CEPT1: variants seen among roughly 807,000 people sequenced by gnomAD.
The protein encoded by CEPT1 is choline/ethanolamine phosphotransferase 1.
CEPT1 carries 7 observed loss-of-function variants against 42.6 expected under a neutral mutation model. That is an observed-to-expected ratio of 0.16 (90% confidence interval 0.09 to 0.31). The LOEUF (loss-of-function observed/expected upper bound fraction) is 0.31, where lower values mean the gene tolerates loss of function less well. Among genes scored for constraint, CEPT1 ranks in the 10% least tolerant of loss-of-function variants. CEPT1 has a pLI of 1.00. For missense variants in CEPT1, 306 were observed against 502.1 expected, an observed-to-expected ratio of 0.61 and a Z score of 3.73; for synonymous variants, 171 against 171.9, an observed-to-expected ratio of 0.99 and a Z score of 0.04.
intron 4 of CEPT1, among the ~76,000 whole-genome samples, chr1:111,172,113 AT>A (rs1355669470): frequency 6.6e-6 from 1 of 152,258 alleles, no homozygotes; most frequent in Non-Finnish European, 1.5e-5. Context: ...GGTTAGTATC[AT>A]TTAATTTTCT....
At chr1:111,144,838 G>A (rs1654866405) in intron 1 of CEPT1, among the ~76,000 whole-genome samples, 1 of 152,170 alleles carries the variant, frequency 6.6e-6, no homozygotes, top group Non-Finnish European at 1.5e-5. Context: ...ATGAAGCTAA[G>A]TGTATTCGTG....
chr1:111,168,220 T>G (rs1656234856), intron 4 of CEPT1, among the ~76,000 whole-genome samples: 1 of 152,120 alleles, frequency 6.6e-6, no homozygotes, highest in South Asian at 2.1e-4. Context: ...TTAAAAACAT[T>G]GTTAGGAAAT....
intron 5 of CEPT1, chr1:111,180,534 A>G (rs1365796119): frequency 6.6e-6 from 1 of 152,254 alleles, no homozygotes. Flanking sequence ...AGGATAATCC[A>G]TAAAGTTTAG....
At chr1:111,165,688 A>G (rs1372354044) in intron 4 of CEPT1, among the ~76,000 whole-genome samples, 1 of 152,200 alleles carries the variant, frequency 6.6e-6, no homozygotes, top group African/African-American at 2.4e-5. Flanking sequence ...TAGGCAGAGT[A>G]TTAATTTTTG....
chr1:111,181,867 T>G (rs553181895), intron 5 of CEPT1: 45 of 177,268 alleles, frequency 2.5e-4, no homozygotes, highest in Non-Finnish European at 4.2e-4. Context: ...CCAGAACACA[T>G]CCTGGTTCAC....
chr1:111,146,255 C>G (rs966661950), intron 1 of CEPT1, among the ~76,000 whole-genome samples: 4 of 152,042 alleles, frequency 2.6e-5, no homozygotes, highest in African/African-American at 7.2e-5. Flanking sequence ...ACTTCTCACT[C>G]TTACCAAAAC....
At chr1:111,160,021 T>C (rs1243040774) in intron 3 of CEPT1, 2 of 152,298 alleles carry the variant, frequency 1.3e-5, no homozygotes, top group Non-Finnish European at 2.9e-5. Flanking sequence ...TTTAGATGCT[T>C]TTACCACAGG....
chr1:111,145,902 T>C (rs919040577), intron 1 of CEPT1, among the ~76,000 whole-genome samples: 2 of 152,070 alleles, frequency 1.3e-5, no homozygotes, highest in African/African-American at 4.8e-5. Context: ...CCAGATCCTC[T>C]CACAGCAAAA....
chr1:111,163,803 TAAG>T (rs1399508976), intron 4 of CEPT1, among the ~76,000 whole-genome samples: 1 of 152,184 alleles, frequency 6.6e-6, no homozygotes, highest in Non-Finnish European at 1.5e-5. Context: ...TTTTGCTTAA[TAAG>T]GAGGGAACAA....
intron 5 of CEPT1, among the ~76,000 whole-genome samples, chr1:111,175,981 C>T (rs1323577621): frequency 2.6e-5 from 4 of 152,276 alleles, no homozygotes; most frequent in African/African-American, 9.6e-5. Flanking sequence ...TACTGAGCAA[C>T]ATTTTTCCCT....
rs200390019 is a variant in CEPT1 at position 111,183,569 on chromosome 1, T to A, written c.1113T>A (p.Ile371=). 27 of 1,612,908 alleles carry A rather than the reference T, an allele frequency of 1.7e-5. No individual in the cohort carries two copies. In the South Asian group the frequency reaches 3.0e-4, roughly 18 times the overall value. Residue 371 remains isoleucine, a synonymous_variant, in exon 8 of 9, where the codon ATT becomes ATA. Coordinates refer to ENST00000357172, the MANE Select transcript of CEPT1 (RefSeq NM_006090.5). The stretch of plus-strand genomic sequence containing the variant: ...TTAACAGCTTTATTGATGAATATAT[T>A]GTACTTTGGATTGCCCTGGTAAGTA... ...QYFNSFIDEY[I]VLWIALVFSF...
At chr1:111,144,909 AC>A (rs1436147677) in intron 1 of CEPT1, among the ~76,000 whole-genome samples, 6 of 152,248 alleles carry the variant, frequency 3.9e-5, no homozygotes, top group African/African-American at 1.4e-4. Flanking sequence ...TATTATATAA[AC>A]ATTACTTTAA....
intron 2 of CEPT1, among the ~76,000 whole-genome samples, chr1:111,152,790 A>C (rs1655351982): frequency 6.6e-6 from 1 of 152,126 alleles, no homozygotes; most frequent in Non-Finnish European, 1.5e-5. Flanking sequence ...AATAGTAATA[A>C]AACTCATATT....
intron 2 of CEPT1, among the ~76,000 whole-genome samples, chr1:111,149,091 T>C (rs564795271): frequency 6.6e-6 from 1 of 152,272 alleles, no homozygotes; most frequent in South Asian, 2.1e-4. Flanking sequence ...TTTGTCTGTT[T>C]CCATAGGTTA....
intron 2 of CEPT1, among the ~76,000 whole-genome samples, chr1:111,159,004 C>T (rs1455418456): frequency 1.4e-5 from 2 of 145,898 alleles, no homozygotes; most frequent in Non-Finnish European, 3.0e-5. Flanking sequence ...AGCTCCGCCT[C>T]CCGGGTTCAC....
intron 2 of CEPT1, among the ~76,000 whole-genome samples, chr1:111,150,294 A>G (rs1571118019): frequency 6.6e-6 from 1 of 152,218 alleles, no homozygotes; most frequent in Admixed American, 6.5e-5. Flanking sequence ...TATGATGATC[A>G]TACATTCAGG....
Position 111,159,531 on chromosome 1 carries a change from T to G in CEPT1, c.487+4T>G. On this transcript the variant is annotated splice_donor_region_variant and intron_variant, in intron 3 of 8. Coordinates refer to ENST00000357172, the MANE Select transcript of CEPT1 (RefSeq NM_006090.5). ...GGCTGTGATTCACTATCAACAGGTA[T>G]TGTTGATTTTTTTAATGTTATTGAT... is the stretch of plus-strand genomic sequence containing the variant. 2 of 1,602,938 alleles carry G rather than the reference T, an allele frequency of 1.2e-6. No homozygotes were observed. The highest frequency in any genetic ancestry group is 1.7e-6 in the Non-Finnish European group (2 of 1,176,040).
chr1:111,166,909 A>G (rs1187733556), intron 4 of CEPT1, among the ~76,000 whole-genome samples: 3 of 152,116 alleles, frequency 2.0e-5, no homozygotes, highest in Non-Finnish European at 4.4e-5. Context: ...TTTAACTTCT[A>G]TCTTGATTTG....
At chr1:111,163,577 A>C (rs1291365794) in intron 4 of CEPT1, among the ~76,000 whole-genome samples, 1 of 152,126 alleles carries the variant, frequency 6.6e-6, no homozygotes, top group Non-Finnish European at 1.5e-5. Context: ...TACTCCATCC[A>C]GCCTGGCAAC....
Sources: allele counts gnomAD v4.1 joint callset (sites outside exome capture counted in the v4.1 genomes callset), GRCh38; gene constraint gnomAD v4.1.1; transcripts MANE v1.5; gene names NCBI Gene and HGNC (gene_info 2026-07-23, HGNC 2026-07-21).